PTPRS: variants seen among roughly 807,000 people sequenced by gnomAD.
The protein encoded by PTPRS is receptor-type tyrosine-protein phosphatase S.
A neutral mutation model predicts 215.3 loss-of-function variants in PTPRS; 63 were observed. That is an observed-to-expected ratio of 0.29 (90% CI 0.24 to 0.36). The LOEUF (loss-of-function observed/expected upper bound fraction) is 0.36, where lower values mean the gene tolerates loss of function less well. Ranked by LOEUF, PTPRS falls within the 10% of genes least tolerant of loss-of-function variation. PTPRS has a pLI of 1.00. For missense variants in PTPRS, 2,258 were observed against 2,825.8 expected, an observed-to-expected ratio of 0.80 and a Z score of 4.56; for synonymous variants, 1,404 against 1,191.4, an observed-to-expected ratio of 1.18 and a Z score of -3.68.
intron 6 of PTPRS, among the ~76,000 whole-genome samples, chr19:5,262,010 C>T (rs1440486563): frequency 3.3e-5 from 5 of 152,144 alleles, no homozygotes; most frequent in South Asian, 2.1e-4. Flanking sequence ...TGGTGGCTCA[C>T]GCCTGTAATC....
rs924180160 is a variant in PTPRS at position 5,237,284 on chromosome 19, C to T, written c.1849+1635G>A. Among the ~76,000 whole-genome samples, 4 of 152,012 alleles carry T rather than the reference C, an allele frequency of 2.6e-5. No individual in the cohort carries two copies. The highest frequency in any genetic ancestry group is 5.9e-5 in the Non-Finnish European group (4 of 67,968). ...TACCCTGTGTTCAGCCTAAGGAGCC[C>T]GCAGTCCCCGGGGGGATGGATACGC... On this transcript the variant is annotated intron_variant, in intron 13 of 37. Transcript: ENST00000262963. The surrounding 1 kb of genome is among the most constrained non-coding windows in gnomAD (Gnocchi z 4.2).
intron 2 of PTPRS, among the ~76,000 whole-genome samples, chr19:5,283,469 C>T (rs1285469050): frequency 6.6e-6 from 1 of 151,920 alleles, no homozygotes; most frequent in Non-Finnish European, 1.5e-5. Context: ...CCCAGCTACT[C>T]GGGAGGCTGA....
chr19:5,252,057 A>T (rs1383325737), intron 9 of PTPRS, among the ~76,000 whole-genome samples: 1 of 152,062 alleles, frequency 6.6e-6, no homozygotes, highest in East Asian at 1.9e-4. Context: ...TTAAAAAACA[A>T]TTTTTCCCCA....
chr19:5,265,210 C>G lies in PTPRS; in HGVS notation c.380-14G>C, dbSNP rs374342981. 1 of 1,610,568 alleles carries G rather than the reference C, an allele frequency of 6.2e-7. No individual in the cohort carries two copies. Among genetic ancestry groups the G allele is most frequent in the Admixed American group, 1.7e-5 (1 of 59,724 alleles). On this transcript the variant is annotated splice_polypyrimidine_tract_variant and intron_variant, in intron 4 of 37. Transcript: ENST00000262963. The stretch of plus-strand genomic sequence containing the variant: ...GCAGCTGGTCCTCTGAGGGCAGAGA[C>G]GTGAGAGAAATGGGCATGGTTCTGA...
In PTPRS at chr19:5,243,123, CTCTTT is replaced by C. The variant is rs768786850; in HGVS notation, c.1570+773_1570+777del. ...CACATGCCACCAAGCCTGGCTAGCT[CTCTTT>C]TTTTTTTTTTTTAATTTAATTTTTT... is the stretch of plus-strand genomic sequence containing the variant. On this transcript the variant is annotated intron_variant, in intron 11 of 37. Coordinates refer to ENST00000262963, the MANE Select transcript of PTPRS (RefSeq NM_002850.4). Among the ~76,000 whole-genome samples the C allele has an allele frequency of 2.0e-5, 3 of 150,880 alleles. No homozygotes were observed. In the East Asian group the frequency reaches 5.8e-4, roughly 29 times the overall value.
intron 1 of PTPRS, among the ~76,000 whole-genome samples, chr19:5,312,160 T>C (rs1428050828): frequency 6.6e-6 from 1 of 151,780 alleles, no homozygotes; most frequent in East Asian, 1.9e-4. Context: ...GAGAGACAAA[T>C]GGGCATGTCC....
chr19:5,244,193 C>T lies in PTPRS; in HGVS notation c.1278G>A (p.Pro426=), dbSNP rs114781948. 3.2e-5 allele frequency: 52 copies of T among 1,602,186 alleles called. No individual in the cohort carries two copies. The East Asian group carries it at 8.9e-4, about 28-fold the overall frequency. ...SVVTRTGEQA[P]ASAPRNVQAR... is the part of the protein sequence containing the mutation. The stretch of plus-strand genomic sequence containing the variant: ...CTTGCACGTTCCGCGGCGCGCTGGC[C>T]GGGGCCTGCTCGCCTGTGCGGGTGA... Residue 426 remains proline (P), a synonymous_variant, in exon 11 of 38, where the codon CCG becomes CCA. Coordinates refer to ENST00000262963, the MANE Select transcript of PTPRS (RefSeq NM_002850.4). The surrounding 1 kb of genome is among the most constrained non-coding windows in gnomAD (Gnocchi z 7.2).
intron 2 of PTPRS, 130 bp downstream of exon 2, chr19:5,285,920 T>G: frequency 2.8e-6 from 2 of 723,802 alleles, no homozygotes; most frequent in Non-Finnish European, 4.6e-6. Flanking sequence ...TTGTGGAGCA[T>G]AAAAGTTCCA....
intron 12 of PTPRS, 98 bp from the exon 13 acceptor site, chr19:5,239,161 G>GA (rs2043765055): frequency 5.9e-6 from 3 of 504,622 alleles, no homozygotes; most frequent in African/African-American, 6.3e-5. Context: ...AGAGGGGGGA[G>GA]GGGGAGAGAG....
At position 5,274,117 on chromosome 19, in the gene PTPRS, C is replaced by A. The variant is rs1008389050; in HGVS notation, c.237+82G>T. 2.6e-6 allele frequency: 4 copies of A among 1,527,316 alleles called. No individual in the cohort carries two copies. The African/African-American group carries it at 5.5e-5, about 21-fold the overall frequency. 94.6% of individuals were successfully genotyped at this position (1,527,316 alleles called of 1,614,324 possible). ...ATGCTCCACCTGGGGAACGTGTCCACGAAGTCCACTGTGGCTGAGGTGCTG... is the reference window on the plus strand; with the variant it reads ...ATGCTCCACCTGGGGAACGTGTCCAAGAAGTCCACTGTGGCTGAGGTGCTG... On this transcript the variant is annotated intron_variant, in intron 3 of 37. Coordinates refer to ENST00000262963, the MANE Select transcript of PTPRS (RefSeq NM_002850.4).
chr19:5,208,147 C>T, intron 36 of PTPRS, 90 bp from the exon 37 acceptor site: 1 of 1,568,842 alleles, frequency 6.4e-7, no homozygotes, highest in Non-Finnish European at 8.7e-7. Context: ...CTCTAACAGC[C>T]CAGATGGGAC....
chr19:5,326,929 A>G (rs2050184700), intron 1 of PTPRS, among the ~76,000 whole-genome samples: 1 of 152,188 alleles, frequency 6.6e-6, no homozygotes, highest in Admixed American at 6.5e-5. Flanking sequence ...CACCAGATAT[A>G]GAGTCCAAAG....
At chr19:5,279,382 T>G (rs2047665504) in intron 2 of PTPRS, among the ~76,000 whole-genome samples, 1 of 151,424 alleles carries the variant, frequency 6.6e-6, no homozygotes, top group Non-Finnish European at 1.5e-5. Context: ...CTTCTTATTT[T>G]TTTTTACAGA....
At chr19:5,284,121 G>A (rs564527598) in intron 2 of PTPRS, among the ~76,000 whole-genome samples, 1 of 152,192 alleles carries the variant, frequency 6.6e-6, no homozygotes, top group African/African-American at 2.4e-5. Flanking sequence ...AGCACTTTGG[G>A]AGGCCGAGGC....
intron 17 of PTPRS, among the ~76,000 whole-genome samples, chr19:5,225,303 G>C (rs1482239317): frequency 6.6e-6 from 1 of 152,086 alleles, no homozygotes; most frequent in South Asian, 2.1e-4. Flanking sequence ...AGACTAGGGG[G>C]CCCAGAAGGA....
intron 1 of PTPRS, among the ~76,000 whole-genome samples, chr19:5,322,898 A>AAGAAG (rs1555810353): frequency 7.5e-5 from 9 of 120,286 alleles, no homozygotes; most frequent in African/African-American, 2.4e-4. Flanking sequence ...AAAAAAAAAA[A>AAGAAG]AAGAAGAAGA....
intron 1 of PTPRS, among the ~76,000 whole-genome samples, chr19:5,321,524 G>A (rs759167672): frequency 5.1e-4 from 78 of 152,176 alleles, no homozygotes; most frequent in Non-Finnish European, 1.5e-4. Flanking sequence ...GACCCAGATC[G>A]ACTACAGGGT....
chr19:5,328,718 A>T (rs928598677), intron 1 of PTPRS, among the ~76,000 whole-genome samples: 4 of 151,684 alleles, frequency 2.6e-5, no homozygotes, highest in African/African-American at 4.8e-5. Flanking sequence ...TCACCTGAGG[A>T]CAGGAGTTCA....
intron 36 of PTPRS, 31 bp downstream of exon 36, chr19:5,208,206 G>A: frequency 3.2e-6 from 5 of 1,564,856 alleles, no homozygotes; most frequent in Non-Finnish European, 4.3e-6. Flanking sequence ...CCCCAGCAGG[G>A]CCAAAAGCTG....
Sources: gnomAD v4.1 joint callset for allele counts (sites outside exome capture counted in the v4.1 genomes callset) on GRCh38, gnomAD v4.1.1 for gene constraint, Gnocchi (gnomAD v3.1) non-coding constraint, MANE v1.5 for transcripts, NCBI Gene and HGNC (gene_info 2026-07-23, HGNC 2026-07-21) for gene names.